Variants in QRSL1 observed in about 807,000 individuals in gnomAD.
QRSL1 encodes glutaminyl-tRNA amidotransferase subunit QRSL1.
In QRSL1, 54 loss-of-function variants were observed where a neutral mutation model predicts 61.6. The observed-to-expected ratio is 0.88, with a 90% CI of 0.70 to 1.10. QRSL1 has a LOEUF of 1.10. Ranked by LOEUF, QRSL1 falls within the 50% of genes least tolerant of loss-of-function variation. The probability of loss-of-function intolerance (pLI) is 0.00; values close to 1 mark genes in which losing one functional copy is unlikely to be tolerated. For synonymous variants in QRSL1, 228 were observed against 225.7 expected (o/e 1.01, Z -0.09); for missense variants, 505 against 622.6 (o/e 0.81, Z 2.01).
chr6:106,654,378 A>G (rs1777233929), intron 7 of QRSL1, among the ~76,000 whole-genome samples: 2 of 152,286 alleles, frequency 1.3e-5, no homozygotes, highest in South Asian at 2.1e-4. Context: ...ATCATCTAAC[A>G]GGGTACCTGA....
At chr6:106,659,134 C>T (rs1230416859) in intron 9 of QRSL1, among the ~76,000 whole-genome samples, 2 of 152,022 alleles carry the variant, frequency 1.3e-5, no homozygotes, top group African/African-American at 4.8e-5. Flanking sequence ...TCAATTTCTT[C>T]ATTATTTTAT....
chr6:106,634,219 A>G (rs1355468015), intron 1 of QRSL1, among the ~76,000 whole-genome samples: 2 of 152,230 alleles, frequency 1.3e-5, no homozygotes, highest in East Asian at 3.8e-4. Flanking sequence ...AACATGTTCA[A>G]GGAATAGCAA....
At chr6:106,647,217 A>G (rs577692488) in intron 4 of QRSL1, among the ~76,000 whole-genome samples, 4 of 152,272 alleles carry the variant, frequency 2.6e-5, no homozygotes. Context: ...TCAATAAGAA[A>G]ACAAGCAACC....
At chr6:106,664,961 T>C (rs896604576) in intron 10 of QRSL1, among the ~76,000 whole-genome samples, 1 of 152,178 alleles carries the variant, frequency 6.6e-6, no homozygotes, top group Non-Finnish European at 1.5e-5. Flanking sequence ...TTACTAAATC[T>C]GTCATTCCTT....
At chr6:106,641,255 T>A (rs1039917564) in intron 3 of QRSL1, among the ~76,000 whole-genome samples, 1 of 152,104 alleles carries the variant, frequency 6.6e-6, no homozygotes, top group Non-Finnish European at 1.5e-5. Context: ...GCTCAGGAGT[T>A]TGAGTCCAGC....
intron 9 of QRSL1, among the ~76,000 whole-genome samples, chr6:106,656,326 T>C (rs565252696): frequency 6.6e-6 from 1 of 152,386 alleles, no homozygotes; most frequent in East Asian, 1.9e-4. Context: ...CATTGGTTTA[T>C]TGCTGTTAGA....
At chr6:106,662,686 A>G (rs1358377838) in intron 9 of QRSL1, among the ~76,000 whole-genome samples, 1 of 152,154 alleles carries the variant, frequency 6.6e-6, no homozygotes, top group Non-Finnish European at 1.5e-5. Flanking sequence ...AAAGTGGCAA[A>G]GATTTCTCAA....
At chr6:106,651,903 G>A (rs887606923) in intron 5 of QRSL1, among the ~76,000 whole-genome samples, 3 of 152,100 alleles carry the variant, frequency 2.0e-5, no homozygotes, top group Non-Finnish European at 2.9e-5. Flanking sequence ...TAATGACATA[G>A]TAAAAAGCTA....
chr6:106,645,837 AGCTT>A (rs1188330136), intron 4 of QRSL1, among the ~76,000 whole-genome samples: 2 of 152,226 alleles, frequency 1.3e-5, no homozygotes, highest in Non-Finnish European at 2.9e-5. Flanking sequence ...ACCTTGTTAA[AGCTT>A]GCTTATTAGT....
intron 5 of QRSL1, among the ~76,000 whole-genome samples, chr6:106,651,928 A>T (rs1485995683): frequency 6.6e-6 from 1 of 152,198 alleles, no homozygotes; most frequent in African/African-American, 2.4e-5. Context: ...TAAAAAAGGG[A>T]TGGAAACTCA....
intron 4 of QRSL1, among the ~76,000 whole-genome samples, chr6:106,648,030 G>T (rs2114708487): frequency 6.7e-6 from 1 of 150,300 alleles, no homozygotes; most frequent in Non-Finnish European, 1.5e-5. Context: ...GGGCGTGGTG[G>T]CTCACCCCTG....
intron 1 of QRSL1, 88 bp from the exon 2 acceptor site, chr6:106,640,261 G>A: frequency 8.5e-7 from 1 of 1,176,838 alleles, no homozygotes; most frequent in Non-Finnish European, 1.2e-6. Flanking sequence ...GTTATACTTA[G>A]CCACTCCATC....
intron 1 of QRSL1, among the ~76,000 whole-genome samples, chr6:106,639,111 G>GTTTTTTTTTTTTTTTTTTTTTTTTTT (rs1562164982): frequency 1.6e-5 from 1 of 60,754 alleles, no homozygotes; most frequent in African/African-American, 6.7e-5. Context: ...TTATTTGTGT[G>GTTTTTTTTTTTTTTTTTTTTTTTTTT]TTTTGTTGTT....
In QRSL1 at chr6:106,660,622, C is replaced by A. The variant is rs1428726328; in HGVS notation, c.1161-2358C>A. ...CTTAGTTCTTTTTTTTTTTTTAATC[C>A]CCTATTCTGAGAAGCAGTCTTAGTT... On this transcript the variant is annotated intron_variant, in intron 9 of 10. Coordinates refer to ENST00000369046, the MANE Select transcript of QRSL1 (RefSeq NM_018292.5). 2.7e-5 allele frequency among the ~76,000 whole-genome samples: 4 copies of A among 149,750 alleles called. No homozygotes were observed. In the East Asian group the frequency reaches 7.8e-4, roughly 29 times the overall value.
At chr6:106,662,852 C>G in intron 9 of QRSL1, 128 bp from the exon 10 acceptor site, 1 of 829,346 alleles carries the variant, frequency 1.2e-6, no homozygotes, top group Non-Finnish European at 1.9e-6. Flanking sequence ...ATTACACAGG[C>G]AAGCCAAACT....
At position 106,649,188 on chromosome 6, in the gene QRSL1, T is replaced by C. The variant is rs765545478; in HGVS notation, c.544T>C (p.Phe182Leu). 65 of 1,613,936 alleles carry C rather than the reference T, an allele frequency of 4.0e-5. No individual in the cohort carries two copies. The highest frequency in any genetic ancestry group is 1.6e-4 in the Middle Eastern group (1 of 6,082). ...TGGGAGTGCAGCTGCTGTATCGGCG[T>C]TCACATGCTACGCGTAAGATGCTTT... The part of the protein sequence containing the change: ...SGGSAAAVSA[F>L]TCYAALGSDT... Residue 182 changes from phenylalanine to leucine, a missense_variant, in exon 5 of 11, where the codon TTC becomes CTC. Coordinates refer to ENST00000369046, the MANE Select transcript of QRSL1 (RefSeq NM_018292.5).
At position 106,666,088 on chromosome 6, in the gene QRSL1, C is replaced by T. The variant is rs9373889; in HGVS notation, c.*86C>T. On this transcript the variant is annotated 3_prime_UTR_variant, in exon 11 of 11. Coordinates refer to ENST00000369046, the MANE Select transcript of QRSL1 (RefSeq NM_018292.5). ...CAGCACTTTGGGAGGCCAAGGCGAG[C>T]GGATCATGAGGTCAGAAGATCTAGA... The T allele has an allele frequency of 0.094, 99,049 of 1,052,442 alleles. 5,013 individuals carry two copies. Among genetic ancestry groups the T allele is most frequent in the Admixed American group, 0.11 (5,761 of 50,970 alleles). 65.2% of individuals were successfully genotyped at this position (1,052,442 alleles called of 1,614,324 possible). A position where few individuals can be genotyped will look rare whatever the true frequency, so the allele number is the denominator to read the frequency against.
At chr6:106,633,025 A>G (rs1316220871) in intron 1 of QRSL1, among the ~76,000 whole-genome samples, 3 of 152,180 alleles carry the variant, frequency 2.0e-5, no homozygotes, top group Admixed American at 6.5e-5. Flanking sequence ...TTTTAGTGCT[A>G]CTTCTCTCTG....
At chr6:106,635,305 G>A (rs1776902086) in intron 1 of QRSL1, among the ~76,000 whole-genome samples, 1 of 152,156 alleles carries the variant, frequency 6.6e-6, no homozygotes, top group African/African-American at 2.4e-5. Flanking sequence ...AGGATGGCAT[G>A]GTGTCCTGAA....
Sources: gnomAD v4.1 joint callset for allele counts (sites outside exome capture counted in the v4.1 genomes callset) on GRCh38, gnomAD v4.1.1 for gene constraint, MANE v1.5 for transcripts, NCBI Gene and HGNC (gene_info 2026-07-23, HGNC 2026-07-21) for gene names.